Variants in CACNB2 observed in about 807,000 individuals in gnomAD.
The protein encoded by CACNB2 is voltage-dependent L-type calcium channel subunit beta-2.
A neutral mutation model predicts 73.3 loss-of-function variants in CACNB2; 42 were observed. The ratio of observed to expected loss-of-function variants is 0.57; its 90% CI spans 0.45 to 0.74. The LOEUF is 0.74. Ranked by LOEUF, CACNB2 falls within the 30% of genes least tolerant of loss-of-function variation. The probability of loss-of-function intolerance (pLI) is 0.00; values close to 1 mark genes in which losing one functional copy is unlikely to be tolerated. For missense variants in CACNB2, 940 were observed against 853.0 expected, an observed-to-expected ratio of 1.10 and a Z score of -1.27; for synonymous variants, 348 against 310.3, an observed-to-expected ratio of 1.12 and a Z score of -1.28.
chr10:18,484,858 A>G (rs1164055514), intron 3 of CACNB2, among the ~76,000 whole-genome samples: 1 of 152,208 alleles, frequency 6.6e-6, no homozygotes, highest in Non-Finnish European at 1.5e-5. Flanking sequence ...TGTTGATCGT[A>G]TAAAACAAAA....
intron 2 of CACNB2, among the ~76,000 whole-genome samples, chr10:18,362,398 T>C (rs990923314): frequency 2.6e-5 from 4 of 152,188 alleles, no homozygotes; most frequent in South Asian, 2.1e-4. Context: ...TTTATGAAAA[T>C]TTGACTAGTT....
At chr10:18,432,001 G>A (rs578170063) in intron 3 of CACNB2, among the ~76,000 whole-genome samples, 43 of 152,260 alleles carry the variant, frequency 2.8e-4, no homozygotes, top group African/African-American at 1.0e-3. Flanking sequence ...CTGACCTCGT[G>A]ATCCGCCTGC....
Position 18,295,969 on chromosome 10 carries a change from G to A in CACNB2, c.214-105955G>A, listed in dbSNP as rs1157162593. 3.6e-5 allele frequency among the ~76,000 whole-genome samples: 5 copies of A among 138,388 alleles called. No individual in the cohort carries two copies. In the Admixed American group the frequency reaches 3.6e-4, roughly 10 times the overall value. The allele number at this position is 138,388 out of a possible 152,430, so 90.8% of individuals were successfully genotyped here. ...ATTTCCATGTAGATGTCTCTCTCCA[G>A]TTGTCAAAAATCACTATTCTTTTTG... On this transcript the variant is annotated intron_variant, in intron 2 of 13. Coordinates refer to ENST00000324631, the MANE Select transcript of CACNB2 (RefSeq NM_201596.3).
intron 2 of CACNB2, chr10:18,261,955 T>A (rs1265331996): frequency 1.9e-6 from 1 of 518,862 alleles, no homozygotes; most frequent in Non-Finnish European, 3.8e-6. Context: ...GATTGGATGC[T>A]AATTGCAATA....
rs377258255 is a variant in CACNB2, at chr10:18,140,767, C to T, written c.31C>T (p.Pro11Ser). The change falls in exon 1 of 14, where the codon CCC becomes TCC. Residue 11 changes from proline to serine, a missense_variant. Transcript: ENST00000324631. MVQRDMSKSP[P>S]TAAAAVAQEI... ...CCAAAGGGACATGTCCAAGTCGCCT[C>T]CCACAGCGGCGGCGGCGGTGGCGCA... The T allele has an allele frequency of 2.5e-6, 4 of 1,597,128 alleles. No individual in the cohort carries two copies. The highest frequency in any genetic ancestry group is 3.4e-6 in the Non-Finnish European group (4 of 1,173,444).
chr10:18,391,715 C>T (rs1184490051), intron 2 of CACNB2, among the ~76,000 whole-genome samples: 2 of 151,942 alleles, frequency 1.3e-5, no homozygotes, highest in African/African-American at 2.4e-5. Flanking sequence ...TCTCTTGAAT[C>T]CAGGAGTTCG....
chr10:18,221,399 C>A (rs77921373), intron 2 of CACNB2, among the ~76,000 whole-genome samples: 2,560 of 152,258 alleles, frequency 0.017, 74 homozygotes, highest in African/African-American at 0.058. Context: ...AAAAAAAGCA[C>A]CAGGCATGGT....
rs910066055 is a variant in CACNB2, at chr10:18,340,036, A to G, written c.214-61888A>G. ...CCTGATTAGAAAGGAAGTCCTGTGTATTGACCACTAGAATTTTATCTCCTA... is the reference window on the plus strand; with the variant it reads ...CCTGATTAGAAAGGAAGTCCTGTGTGTTGACCACTAGAATTTTATCTCCTA... On this transcript the variant is annotated intron_variant, in intron 2 of 13. Transcript: ENST00000324631. Among the ~76,000 whole-genome samples the G allele has an allele frequency of 2.0e-5, 3 of 152,170 alleles. 1 individual carries two copies. The highest frequency in any genetic ancestry group is 2.0e-4 in the Admixed American group (3 of 15,276).
chr10:18,448,358 C>T (rs1225833700), intron 3 of CACNB2, among the ~76,000 whole-genome samples: 1 of 151,540 alleles, frequency 6.6e-6, no homozygotes, highest in Non-Finnish European at 1.5e-5. Context: ...TAATATTATC[C>T]AGCTACTCAG....
chr10:18,393,439 A>G (rs2043576197), intron 2 of CACNB2, among the ~76,000 whole-genome samples: 1 of 152,174 alleles, frequency 6.6e-6, no homozygotes, highest in African/African-American at 2.4e-5. Flanking sequence ...TCTTCTATAA[A>G]CTGTAAATAG....
intron 1 of CACNB2, among the ~76,000 whole-genome samples, chr10:18,148,765 C>T (rs1246420456): frequency 1.3e-5 from 2 of 151,910 alleles, no homozygotes; most frequent in Non-Finnish European, 2.9e-5. Context: ...GAGGCTGGGG[C>T]GGGAGAATTG....
intron 1 of CACNB2, 26 bp from the exon 2 acceptor site, chr10:18,150,853 GTCTT>G: frequency 3.1e-6 from 2 of 655,038 alleles, no homozygotes; most frequent in African/African-American, 4.2e-5. Context: ...AATCTTATTT[GTCTT>G]TTTTTTTTTT....
intron 3 of CACNB2, among the ~76,000 whole-genome samples, chr10:18,427,307 G>A (rs1408251605): frequency 6.6e-6 from 1 of 151,922 alleles, no homozygotes; most frequent in African/African-American, 2.4e-5. Context: ...TGTTTACTTG[G>A]ATAAACAACA....
rs1554824204 is a variant in CACNB2, at chr10:18,464,418, T to TAAAATAAAAAAAAAAA, written c.334-33933_334-33932insTAAAAAAAAAAAAAAA. 2.3e-4 allele frequency among the ~76,000 whole-genome samples: 20 copies of TAAAATAAAAAAAAAAA among 85,294 alleles called. 1 individual carries two copies. Among genetic ancestry groups the TAAAATAAAAAAAAAAA allele is most frequent in the South Asian group, 5.3e-4 (1 of 1,888 alleles). The allele number at this position is 85,294 out of a possible 152,430, so 56.0% of individuals were successfully genotyped here. A position where few individuals can be genotyped will look rare whatever the true frequency, so the allele number is the denominator to read the frequency against. ...CAGAGTGAGACCCTGTCTCAAAAAT[T>TAAAATAAAAAAAAAAA]AAAAAAAAAAAAAAAAAAAAAAGAA... On this transcript the variant is annotated intron_variant, in intron 3 of 13. Transcript: ENST00000324631.
chr10:18,267,154 G>C (rs1371804417), intron 2 of CACNB2, among the ~76,000 whole-genome samples: 1 of 151,700 alleles, frequency 6.6e-6, no homozygotes, highest in Non-Finnish European at 1.5e-5. Flanking sequence ...GTTCATATAT[G>C]TATTTTCGTA....
chr10:18,534,314 A>G, intron 11 of CACNB2, 87 bp downstream of exon 11: 1 of 1,138,992 alleles, frequency 8.8e-7, no homozygotes, highest in Admixed American at 1.7e-5. Context: ...GGCTATTGTA[A>G]TAGCCTTTAT....
chr10:18,192,431 G>A (rs574928700), intron 2 of CACNB2, among the ~76,000 whole-genome samples: 3 of 151,934 alleles, frequency 2.0e-5, no homozygotes, highest in East Asian at 3.9e-4. Flanking sequence ...GACTGTAGCC[G>A]CCAACTCCTG....
chr10:18,182,060 A>C (rs1233534390), intron 2 of CACNB2: 2 of 152,266 alleles, frequency 1.3e-5, no homozygotes, highest in African/African-American at 4.8e-5. Flanking sequence ...GCAGTGAAAG[A>C]CTATGAATCT....
chr10:18,269,690 C>T (rs780968230), intron 2 of CACNB2, among the ~76,000 whole-genome samples: 5 of 152,178 alleles, frequency 3.3e-5, no homozygotes, highest in Non-Finnish European at 5.9e-5. Context: ...TTTGGAAACT[C>T]TCCAGGCACT....
Sources: allele counts gnomAD v4.1 joint callset (sites outside exome capture counted in the v4.1 genomes callset), GRCh38; gene constraint gnomAD v4.1.1; transcripts MANE v1.5; gene names NCBI Gene and HGNC (gene_info 2026-07-23, HGNC 2026-07-21).